PABPC4: variants seen among roughly 807,000 people sequenced by gnomAD.
PABPC4 encodes the protein poly(A) binding protein cytoplasmic 4.
Under a neutral mutation model 74.5 loss-of-function variants are expected in PABPC4, and 15 were observed. The observed-to-expected ratio is 0.20, with a 90% CI of 0.13 to 0.31. PABPC4 has a LOEUF of 0.31. Among genes scored for constraint, PABPC4 ranks in the 10% least tolerant of loss-of-function variants. PABPC4 has a pLI of 1.00. For missense variants in PABPC4, 610 were observed against 853.5 expected (o/e 0.71, Z 3.55); for synonymous variants, 345 against 303.0 (o/e 1.14, Z -1.44).
At position 39,562,176 on chromosome 1, in the gene PABPC4, G is replaced by C; in HGVS notation, c.1790C>G (p.Thr597Arg). ...CTTCCCAGCCAGATTTGAATGCATT[G>C]TTTGGATGAGTGGGAACAAGCGTTC... ...LGERLFPLIQ[T>R]MHSNLAGKIT... The change falls in exon 14 of 16, where the codon ACA becomes AGA. Residue 597 changes from threonine (T) to arginine (R), a missense_variant. This residue lies in a region of PABPC4 where 277 missense variants were observed against 301.8 expected (regional missense o/e 0.92). Coordinates refer to ENST00000372858, the MANE Select transcript of PABPC4 (RefSeq NM_001135653.2). The C allele has an allele frequency of 6.2e-7, 1 of 1,614,156 alleles. No individual in the cohort carries two copies. Among genetic ancestry groups the C allele is most frequent in the Non-Finnish European group, 8.5e-7 (1 of 1,179,980 alleles).
chr1:39,574,932 G>A (rs148549680), intron 1 of PABPC4, among the ~76,000 whole-genome samples: 49 of 152,364 alleles, frequency 3.2e-4, no homozygotes, highest in Middle Eastern at 3.4e-3. Context: ...TGTGCTGGGA[G>A]TCCTAACTTG....
At position 39,564,773 on chromosome 1, in the gene PABPC4, C is replaced by A; in HGVS notation, c.1246G>T (p.Ala416Ser). ...GTATAATATGGAGGCCTTCCCTGAGCCTGTAAGACAGAAGAATACCCAAAC... is the reference window on the plus strand; with the variant it reads ...GTATAATATGGAGGCCTTCCCTGAGACTGTAAGACAGAAGAATACCCAAAC... The part of the protein sequence containing the change: ...GGYFVPAVPQ[A>S]QGRPPYYTPN... The change falls in exon 9 of 16, where the codon GCT becomes TCT. Residue 416 changes from alanine (A) to serine (S), a missense_variant and splice_region_variant. By Grantham distance (99) the Ala-to-Ser change is moderately conservative. Transcript: ENST00000372858. 6.2e-7 allele frequency: 1 copy of A among 1,612,354 alleles called. No homozygotes were observed. The highest frequency in any genetic ancestry group is 8.5e-7 in the Non-Finnish European group (1 of 1,178,416).
In PABPC4 at chr1:39,567,087, T is replaced by C. The variant is rs145838093; in HGVS notation, c.972+664A>G. ...CCGGCCATAACTCAAAATGTTCAGA[T>C]GGCACCAGTTTCCATCCTGCTCCCA... On this transcript the variant is annotated intron_variant, in intron 7 of 15. Transcript: ENST00000372858. Among the ~76,000 whole-genome samples, 249 of 152,296 alleles carry C rather than the reference T, an allele frequency of 1.6e-3. 1 individual carries two copies. Among genetic ancestry groups the C allele is most frequent in the Middle Eastern group, 3.4e-3 (1 of 294 alleles).
At position 39,560,989 on chromosome 1, in the gene PABPC4, TAATTGACCTTTTGATACAA is replaced by T; in HGVS notation, c.*128_*146del. On this transcript the variant is annotated 3_prime_UTR_variant, in exon 16 of 16. Transcript: ENST00000372858. ...TAATTGAAAAATTCTAGGTGCTTCATAATTGACCTTTTGATACAAAATGACCTATTAAATTTGCAATTTG... is the reference window on the plus strand; with the variant it reads ...TAATTGAAAAATTCTAGGTGCTTCATAATGACCTATTAAATTTGCAATTTG... The T allele has an allele frequency of 2.6e-6, 1 of 379,646 alleles. No homozygotes were observed. The highest frequency in any genetic ancestry group is 2.0e-5 in the South Asian group (1 of 50,128). 23.5% of individuals were successfully genotyped at this position (379,646 alleles called of 1,614,324 possible). A position where few individuals can be genotyped will look rare whatever the true frequency, so the allele number is the denominator to read the frequency against.
rs72929555 is a variant in PABPC4, at chr1:39,575,464, T to C, written c.193+295A>G. ...CCCCACTGACAAGGACCACACGCAG[T>C]GGAATGCCAGTGGCTTCACTCTAAT... On this transcript the variant is annotated intron_variant, in intron 1 of 15. Transcript: ENST00000372858. 1.8e-3 allele frequency among the ~76,000 whole-genome samples: 267 copies of C among 152,314 alleles called. 1 individual carries two copies. Among genetic ancestry groups the C allele is most frequent in the African/African-American group, 5.2e-3 (218 of 41,574 alleles).
intron 3 of PABPC4, chr1:39,570,491 G>C (rs1217862085): frequency 6.4e-6 from 1 of 155,866 alleles, no homozygotes; most frequent in Non-Finnish European, 1.4e-5. Flanking sequence ...GATATCTGTA[G>C]ATCAACCACT....
chr1:39,561,974 G>T, intron 14 of PABPC4, 99 bp downstream of exon 14: 2 of 1,400,034 alleles, frequency 1.4e-6, no homozygotes, highest in Non-Finnish European at 2.0e-6. Flanking sequence ...GGGTCCTGGG[G>T]GCAGCAGATC....
At chr1:39,569,515 T>C (rs1020105513) in intron 5 of PABPC4, 80 bp downstream of exon 5, 2 of 941,902 alleles carry the variant, frequency 2.1e-6, no homozygotes, top group Non-Finnish European at 3.5e-6. Context: ...GTCCCAGCTC[T>C]AGGTAGGTGC....
chr1:39,568,992 T>G (rs1241790554), intron 5 of PABPC4, 53 bp from the exon 6 acceptor site: 4 of 1,567,054 alleles, frequency 2.6e-6, no homozygotes, highest in Non-Finnish European at 3.4e-6. Context: ...GGGGTCTTAT[T>G]CTGGAGGTCT....
intron 2 of PABPC4, among the ~76,000 whole-genome samples, 171 bp downstream of exon 2, chr1:39,572,222 C>T (rs535237176): frequency 2.0e-5 from 3 of 152,150 alleles, no homozygotes; most frequent in Non-Finnish European, 2.9e-5. Flanking sequence ...GTGCTGGTTA[C>T]GCTGGGTATG....
chr1:39,567,636 A>G (rs1325236482), intron 7 of PABPC4, 115 bp downstream of exon 7: 1 of 702,838 alleles, frequency 1.4e-6, no homozygotes, highest in East Asian at 2.5e-5. Flanking sequence ...AGAAAAACGT[A>G]GTAGCTACTT....
In PABPC4 at chr1:39,568,840, A is replaced by G. The variant is rs1167588097; in HGVS notation, c.838T>C (p.Phe280Leu). Residue 280 changes from phenylalanine to leucine, a missense_variant, in exon 6 of 16, where the codon TTT becomes CTT. Coordinates refer to ENST00000372858, the MANE Select transcript of PABPC4 (RefSeq NM_001135653.2). ...VERQAELKRK[F>L]EQLKQERISR... Reference sequence around the variant, plus strand: ...ATTCTCTCCTGTTTCAACTGTTCAAATTTCCGTTTTAACTCTGCCTGCCGT... The same window carrying G: ...ATTCTCTCCTGTTTCAACTGTTCAAGTTTCCGTTTTAACTCTGCCTGCCGT... The G allele has an allele frequency of 6.2e-7, 1 of 1,613,832 alleles. No homozygotes were observed. The highest frequency in any genetic ancestry group is 8.5e-7 in the Non-Finnish European group (1 of 1,179,994).
At chr1:39,575,186 G>T (rs578050285) in intron 1 of PABPC4, among the ~76,000 whole-genome samples, 2 of 152,160 alleles carry the variant, frequency 1.3e-5, no homozygotes, top group Non-Finnish European at 1.5e-5. Context: ...CAAGGAGGTG[G>T]CCTGGCACAC....
intron 12 of PABPC4, 64 bp downstream of exon 12, chr1:39,563,550 G>C: frequency 1.3e-6 from 2 of 1,570,952 alleles, no homozygotes; most frequent in Non-Finnish European, 1.7e-6. Flanking sequence ...CAAAAGCACA[G>C]CTTCTTTTAC....
rs1646023740 is a variant in PABPC4, at chr1:39,576,195, T to A, written c.-244A>T. On this transcript the variant is annotated 5_prime_UTR_variant, in exon 1 of 16. Coordinates refer to ENST00000372858, the MANE Select transcript of PABPC4 (RefSeq NM_001135653.2). ...GCACAATACGGCCCTCCCCGCGACT[T>A]TGCACTTCTCCGCGGTCCTGGTGCG... The A allele has an allele frequency of 2.5e-6, 1 of 407,680 alleles. No individual in the cohort carries two copies. The highest frequency in any genetic ancestry group is 2.1e-5 in the African/African-American group (1 of 48,338). 25.3% of individuals were successfully genotyped at this position (407,680 alleles called of 1,614,324 possible).
intron 10 of PABPC4, 87 bp downstream of exon 10, chr1:39,564,336 C>T: frequency 6.8e-7 from 1 of 1,477,172 alleles, no homozygotes; most frequent in South Asian, 1.3e-5. Flanking sequence ...TAAATTCGAG[C>T]CCAACAAACT....
In PABPC4 at chr1:39,561,667, G is replaced by A; in HGVS notation, c.*13+18C>T. 6.4e-7 allele frequency: 1 copy of A among 1,566,296 alleles called. No homozygotes were observed. On this transcript the variant is annotated intron_variant, in intron 15 of 15. Coordinates refer to ENST00000372858, the MANE Select transcript of PABPC4 (RefSeq NM_001135653.2). ...GAACAATGCTCATAGGAACAAAAAT[G>A]AAAATAGCCACACATACGGTTTTTC...
chr1:39,565,364 A>G lies in PABPC4; in HGVS notation c.987T>C (p.Asp329=). 1 of 1,611,190 alleles carries G rather than the reference A, an allele frequency of 6.2e-7. No individual in the cohort carries two copies. The highest frequency in any genetic ancestry group is 8.5e-7 in the Non-Finnish European group (1 of 1,178,166). ...SITSAKVMLE[D]GRSKGFGFVC... ...CGAAGCCAAACCCTTTGCTTCTTCC[A>G]TCCTCCAGCATTACCTACAAAATGA... Residue 329 remains aspartate, a synonymous_variant, in exon 8 of 16, where the codon GAT becomes GAC. Coordinates refer to ENST00000372858, the MANE Select transcript of PABPC4 (RefSeq NM_001135653.2).
chr1:39,561,924 C>T (rs1645774649), intron 14 of PABPC4, 137 bp from the exon 15 acceptor site: 6 of 1,148,896 alleles, frequency 5.2e-6, no homozygotes, highest in South Asian at 1.5e-5. Context: ...TTCCCAAATA[C>T]CCACTGCAGC....
Sources: gnomAD v4.1 joint callset for allele counts (sites outside exome capture counted in the v4.1 genomes callset) on GRCh38, gnomAD v4.1.1 for gene constraint, gnomAD v4.1.1 regional missense constraint, MANE v1.5 for transcripts, NCBI Gene and HGNC (gene_info 2026-07-23, HGNC 2026-07-21) for gene names.